Variants in DAB1 observed in about 807,000 individuals in gnomAD.
DAB1 encodes the protein DAB adaptor protein 1.
In DAB1, 15 loss-of-function variants were observed where a neutral mutation model predicts 64.6. The ratio of observed to expected loss-of-function variants is 0.23; its 90% CI spans 0.16 to 0.36. The LOEUF (loss-of-function observed/expected upper bound fraction) is 0.36. Ranked by LOEUF, DAB1 falls within the 10% of genes least tolerant of loss-of-function variation. The pLI is 1.00. For synonymous variants in DAB1, 235 were observed against 251.9 expected, an observed-to-expected ratio of 0.93 and a Z score of 0.64; for missense variants, 596 against 706.7, an observed-to-expected ratio of 0.84 and a Z score of 1.78.
chr1:57,408,637 G>T (rs1355089757), intron 1 of DAB1, among the ~76,000 whole-genome samples: 1 of 152,162 alleles, frequency 6.6e-6, no homozygotes, highest in Non-Finnish European at 1.5e-5. Flanking sequence ...CGCCAGCTGA[G>T]TCACTCTCAA....
chr1:57,934,104 T>TGTGTGTGTGTGTGTGTGTGTG (rs1557563966), intron 5 of DAB1, among the ~76,000 whole-genome samples: 2 of 149,628 alleles, frequency 1.3e-5, no homozygotes, highest in African/African-American at 5.0e-5. Context: ...TGTGTGTGTG[T>TGTGTGTGTGTGTGTGTGTGTG]TTAGTAGAGA....
chr1:57,728,315 C>T (rs1853547), intron 6 of DAB1, among the ~76,000 whole-genome samples: 9,047 of 152,090 alleles, frequency 0.059, 308 homozygotes, highest in Admixed American at 0.085. Context: ...ACCCCCTGGC[C>T]GGGTGCGGTG....
At chr1:58,043,336 A>G (rs897306548) in intron 5 of DAB1, among the ~76,000 whole-genome samples, 1 of 152,240 alleles carries the variant, frequency 6.6e-6, no homozygotes. Context: ...GCCTTTAGGT[A>G]CTATAAAAAA....
chr1:58,165,289 G>C (rs546844408), intron 4 of DAB1, among the ~76,000 whole-genome samples: 8 of 152,286 alleles, frequency 5.3e-5, no homozygotes, highest in African/African-American at 1.7e-4. Flanking sequence ...CTCACCAAGT[G>C]CCTGGCCCGG....
At chr1:58,457,564 A>C (rs549286792) in intron 3 of DAB1, among the ~76,000 whole-genome samples, 6 of 152,240 alleles carry the variant, frequency 3.9e-5, no homozygotes, top group Non-Finnish European at 7.3e-5. Context: ...CATGGAAGCC[A>C]ACACGGAAGG....
At chr1:57,148,881 T>C (rs957032243) in intron 2 of DAB1, among the ~76,000 whole-genome samples, 16 of 152,214 alleles carry the variant, frequency 1.1e-4, no homozygotes, top group Non-Finnish European at 1.9e-4. Context: ...TTCACCATTT[T>C]AAAGTATAGA....
intron 2 of DAB1, among the ~76,000 whole-genome samples, chr1:57,264,304 C>T (rs1309524526): frequency 2.0e-5 from 3 of 152,120 alleles, no homozygotes; most frequent in Non-Finnish European, 4.4e-5. Context: ...AAATTTCCTG[C>T]CTTGTTAGAA....
At chr1:57,090,344 G>T (rs1157804695) in intron 4 of DAB1, among the ~76,000 whole-genome samples, 2 of 152,100 alleles carry the variant, frequency 1.3e-5, no homozygotes, top group East Asian at 1.9e-4. Context: ...AAAATCCAGG[G>T]TATCTAGTCT....
intron 4 of DAB1, among the ~76,000 whole-genome samples, chr1:58,156,883 A>C (rs1414249900): frequency 6.6e-6 from 1 of 152,214 alleles, no homozygotes. Context: ...AGGAATTTCA[A>C]CTTTATAATG....
intron 5 of DAB1, among the ~76,000 whole-genome samples, chr1:57,965,757 T>C (rs1286388273): frequency 6.6e-6 from 1 of 152,130 alleles, no homozygotes; most frequent in Non-Finnish European, 1.5e-5. Flanking sequence ...TGCAGAGTCA[T>C]GTCCTCAGGG....
At chr1:58,290,431 C>A (rs1254054944) in intron 4 of DAB1, among the ~76,000 whole-genome samples, 1 of 152,020 alleles carries the variant, frequency 6.6e-6, no homozygotes, top group East Asian at 1.9e-4. Flanking sequence ...TAAATTTTTT[C>A]ATATTATTAA....
intron 3 of DAB1, among the ~76,000 whole-genome samples, chr1:58,404,991 C>T (rs1364851427): frequency 6.6e-6 from 1 of 152,198 alleles, no homozygotes; most frequent in African/African-American, 2.4e-5. Flanking sequence ...CCATATTGAG[C>T]ATCCTAATCC....
chr1:58,142,608 T>G (rs1232694799), intron 5 of DAB1, among the ~76,000 whole-genome samples: 1 of 152,262 alleles, frequency 6.6e-6, no homozygotes, highest in Non-Finnish European at 1.5e-5. Context: ...CTCCCTTTCA[T>G]GGCCCTGGGC....
intron 6 of DAB1, among the ~76,000 whole-genome samples, chr1:57,659,840 G>C (rs4636488): frequency 0.022 from 3,298 of 151,980 alleles, 112 homozygotes; most frequent in African/African-American, 0.076. Flanking sequence ...AGCCAGGCTT[G>C]GTGGCACACC....
At chr1:57,034,372 AAG>A (rs1173456824) in intron 9 of DAB1, among the ~76,000 whole-genome samples, 1 of 151,880 alleles carries the variant, frequency 6.6e-6, no homozygotes, top group Non-Finnish European at 1.5e-5. Context: ...CTCCTCCATG[AAG>A]AGTTTCTCTA....
chr1:57,915,987 G>T (rs1267531784), intron 5 of DAB1, among the ~76,000 whole-genome samples: 1 of 152,198 alleles, frequency 6.6e-6, no homozygotes, highest in African/African-American at 2.4e-5. Flanking sequence ...CCACTTCGTT[G>T]TTGGTTGGCA....
chr1:57,369,474 T>G (rs1395724412), intron 1 of DAB1, among the ~76,000 whole-genome samples: 7 of 152,206 alleles, frequency 4.6e-5, no homozygotes. Context: ...CCACCATGAA[T>G]ATAAAAATGG....
At chr1:58,132,692 T>C (rs1312527947) in intron 5 of DAB1, among the ~76,000 whole-genome samples, 1 of 152,178 alleles carries the variant, frequency 6.6e-6, no homozygotes, top group Admixed American at 6.5e-5. Context: ...AACAGGATTC[T>C]GTGCTCCTCT....
Position 58,019,795 on chromosome 1 carries a change from C to T in DAB1, n.387+130716G>A, listed in dbSNP as rs185456820. On this transcript the variant is annotated intron_variant and non_coding_transcript_variant, in intron 5 of 20. Coordinates refer to the DAB1 transcript ENST00000485760. ...AGCAAGTAGTAATTAGGTAGGAATGCTTTAAGAGGGATCATCATGCTGGGA... is the reference window on the plus strand; with the variant it reads ...AGCAAGTAGTAATTAGGTAGGAATGTTTTAAGAGGGATCATCATGCTGGGA... 3.1e-3 allele frequency among the ~76,000 whole-genome samples: 470 copies of T among 152,226 alleles called. 5 individuals carry two copies. The highest frequency in any genetic ancestry group is 0.011 in the African/African-American group (453 of 41,526).
Sources: gnomAD v4.1 joint callset for allele counts (sites outside exome capture counted in the v4.1 genomes callset) on GRCh38, gnomAD v4.1.1 for gene constraint, MANE v1.5 for transcripts, NCBI Gene and HGNC (gene_info 2026-07-23, HGNC 2026-07-21) for gene names.